Variants in ELFN1 observed in about 807,000 individuals in gnomAD.
ELFN1 encodes protein ELFN1.
A neutral mutation model predicts 7.6 loss-of-function variants in ELFN1; 6 were observed. The ratio of observed to expected loss-of-function variants is 0.79; its 90% confidence interval spans 0.43 to 1.56. The LOEUF (loss-of-function observed/expected upper bound fraction) is 1.56, where lower values mean the gene tolerates loss of function less well. Ranked by LOEUF, ELFN1 falls within the 40% of genes most tolerant of loss-of-function variation. ELFN1 has a pLI of 0.01. For missense variants in ELFN1, 1,169 were observed against 1,232.2 expected (o/e 0.95, Z 0.77); for synonymous variants, 657 against 588.1 (o/e 1.12, Z -1.70).
chr7:1,744,280 G>T, intron 3 of ELFN1, 24 bp from the exon 4 acceptor site: 1 of 358,014 alleles, frequency 2.8e-6, no homozygotes, highest in Non-Finnish European at 5.0e-6. Flanking sequence ...TCCCCTGACC[G>T]CTGTCTTCTC....
At chr7:1,677,846 G>T (rs940861118) in intron 1 of ELFN1, among the ~76,000 whole-genome samples, 1 of 151,972 alleles carries the variant, frequency 6.6e-6, no homozygotes, top group Non-Finnish European at 1.5e-5. Flanking sequence ...TGGAGCTCCC[G>T]CGGGTTCCTG....
intron 3 of ELFN1, among the ~76,000 whole-genome samples, chr7:1,728,299 C>A (rs1772862104): frequency 6.6e-6 from 1 of 152,372 alleles, no homozygotes; most frequent in Admixed American, 6.5e-5. Context: ...CTGCACCCTT[C>A]CCAGAGGCTC....
At chr7:1,696,277 GGAGAGAGAGA>G (rs369346750) in intron 2 of ELFN1, among the ~76,000 whole-genome samples, 1 of 145,586 alleles carries the variant, frequency 6.9e-6, no homozygotes, top group South Asian at 2.2e-4. Flanking sequence ...AGAAAGAGAT[GGAGAGAGAGA>G]GAGAGAGAGG....
chr7:1,674,053 G>A (rs530728496), intron 1 of ELFN1, among the ~76,000 whole-genome samples: 191 of 150,486 alleles, frequency 1.3e-3, no homozygotes, highest in African/African-American at 4.3e-3. Flanking sequence ...TGAGTCAGGC[G>A]GCGAGGACCA....
chr7:1,720,898 C>A (rs1299215934), intron 3 of ELFN1, among the ~76,000 whole-genome samples: 2 of 152,178 alleles, frequency 1.3e-5, no homozygotes, highest in African/African-American at 4.8e-5. Flanking sequence ...ACAGAGGCAG[C>A]CCCACACCCA....
rs947403023 is a variant in ELFN1 at position 1,746,005 on chromosome 7, A to G, written c.1409A>G (p.Lys470Arg). Residue 470 changes from lysine to arginine, a missense_variant, in exon 4 of 4, where the codon AAG (lysine) becomes AGG (arginine). Physicochemically the swap from Lys to Arg is conservative, Grantham distance 26. Around this residue, in one of 2 missense-constraint regions of ELFN1, gnomAD observed 914 missense variants for 872.6 expected, o/e 1.05. Transcript: ENST00000424383. ...CTCAAGAAGACCATCATCGAGCTCA[A>G]GTACGGGCCAGAGCTGGAGGCGCCC... is the stretch of plus-strand genomic sequence containing the variant. ...GSLKKTIIELKYGPELEAPGL... is the reference protein window; with the variant it reads ...GSLKKTIIELRYGPELEAPGL... 44 of 1,543,852 alleles carry G rather than the reference A, an allele frequency of 2.9e-5. No individual in the cohort carries two copies. Among genetic ancestry groups the G allele is most frequent in the Non-Finnish European group, 3.8e-5 (43 of 1,142,830 alleles).
At chr7:1,706,886 G>A (rs1055036404) in intron 2 of ELFN1, among the ~76,000 whole-genome samples, 1 of 152,262 alleles carries the variant, frequency 6.6e-6, no homozygotes, top group Non-Finnish European at 1.5e-5. Context: ...TGCATTGGAT[G>A]CCTGGGCCTG....
chr7:1,706,998 A>T (rs1779545481), intron 2 of ELFN1, among the ~76,000 whole-genome samples: 1 of 152,216 alleles, frequency 6.6e-6, no homozygotes, highest in African/African-American at 2.4e-5. Context: ...GCATGTGTAC[A>T]CATGTGCAAC....
chr7:1,728,699 G>A (rs1032000750), intron 3 of ELFN1, among the ~76,000 whole-genome samples: 1 of 152,190 alleles, frequency 6.6e-6, no homozygotes, highest in Non-Finnish European at 1.5e-5. Context: ...ACCCCAGGGT[G>A]ATGTTAGTAT....
chr7:1,700,438 A>T (rs1177914312), intron 2 of ELFN1, among the ~76,000 whole-genome samples: 2 of 152,182 alleles, frequency 1.3e-5, no homozygotes, highest in African/African-American at 4.8e-5. Context: ...TGAACTTCCC[A>T]TAAATGAAAT....
At chr7:1,707,196 C>G (rs1037707024) in intron 2 of ELFN1, among the ~76,000 whole-genome samples, 2 of 152,238 alleles carry the variant, frequency 1.3e-5, no homozygotes, top group Non-Finnish European at 2.9e-5. Flanking sequence ...CTCACAGTGA[C>G]ACGGTGGTTC....
At chr7:1,690,137 G>GTGGA (rs1179542265) in intron 2 of ELFN1, among the ~76,000 whole-genome samples, 2 of 151,902 alleles carry the variant, frequency 1.3e-5, no homozygotes, top group East Asian at 1.9e-4. Flanking sequence ...GGATGAGCAA[G>GTGGA]TGGATGGATG....
In ELFN1 at chr7:1,747,906, T is replaced by C. The variant is rs1294225127; in HGVS notation, c.*823T>C. The C allele has an allele frequency of 4.3e-5, 7 of 163,186 alleles. No individual in the cohort carries two copies. The highest frequency in any genetic ancestry group is 3.3e-4 in the Admixed American group (5 of 15,030). 10.1% of individuals were successfully genotyped at this position (163,186 alleles called of 1,614,324 possible). A position where few individuals can be genotyped will look rare whatever the true frequency, so the allele number is the denominator to read the frequency against. ...ACTAAAAAAAAAAAAAAAAAGACTA[T>C]GTCTACTTAAAAAAAAATCTGCAAA... On this transcript the variant is annotated 3_prime_UTR_variant, in exon 4 of 4. Coordinates refer to ENST00000424383, the MANE Select transcript of ELFN1 (RefSeq NM_001128636.4).
chr7:1,695,203 GA>G lies in ELFN1; in HGVS notation c.-456+7055del, dbSNP rs1779276455. Reference sequence around the variant, plus strand: ...TGTGAGGGTTCTGTCCATCCACCAGGAAGGCCACCAGGACCCTGCTCCTGCC... The same window carrying G: ...TGTGAGGGTTCTGTCCATCCACCAGGAGGCCACCAGGACCCTGCTCCTGCC... On this transcript the variant is annotated intron_variant, in intron 2 of 3. Transcript: ENST00000424383. This position sits in a 1 kb window ranked among gnomAD's most constrained non-coding sequence, Gnocchi z 5.1. Among the ~76,000 whole-genome samples the G allele has an allele frequency of 6.6e-6, 1 of 152,206 alleles. No individual in the cohort carries two copies. Among genetic ancestry groups the G allele is most frequent in the Non-Finnish European group, 1.5e-5 (1 of 68,034 alleles).
At chr7:1,738,426 C>G (rs1057244061) in intron 3 of ELFN1, among the ~76,000 whole-genome samples, 1 of 152,122 alleles carries the variant, frequency 6.6e-6, no homozygotes, top group African/African-American at 2.4e-5. Flanking sequence ...AACAGGGAAG[C>G]ATATGGGCTT....
In ELFN1 at chr7:1,746,610, A is replaced by C; in HGVS notation, c.2014A>C (p.Lys672Gln). Residue 672 changes from lysine (K) to glutamine (Q), a missense_variant, in exon 4 of 4, where the codon AAG becomes CAG. Physicochemically the swap from Lys to Gln is moderately conservative, Grantham distance 53. Transcript: ENST00000424383. ...AAAAEAKYIEKGSPAADAILT... is the reference protein window; with the variant it reads ...AAAAEAKYIEQGSPAADAILT... Reference sequence around the variant, plus strand: ...GGCCGCCGAGGCCAAGTACATCGAGAAGGGCTCCCCCGCGGCCGACGCCAT... The same window carrying C: ...GGCCGCCGAGGCCAAGTACATCGAGCAGGGCTCCCCCGCGGCCGACGCCAT... The C allele has an allele frequency of 7.4e-7, 1 of 1,349,462 alleles. No homozygotes were observed. Among genetic ancestry groups the C allele is most frequent in the South Asian group, 1.7e-5 (1 of 58,560 alleles). The allele number at this position is 1,349,462 out of a possible 1,614,324, so 83.6% of individuals were successfully genotyped here.
At chr7:1,666,563 G>A (rs1392751429), upstream of ELFN1, among the ~76,000 whole-genome samples, 1 of 152,046 alleles carries the variant, frequency 6.6e-6, no homozygotes, top group East Asian at 1.9e-4. The surrounding 1 kb of genome is among the most constrained non-coding windows in gnomAD (Gnocchi z 7.9). Context: ...CGGACCCCTA[G>A]GGCTAGGGAG....
At chr7:1,702,423 G>A (rs141389050) in intron 2 of ELFN1, among the ~76,000 whole-genome samples, 8 of 143,350 alleles carry the variant, frequency 5.6e-5, no homozygotes, top group East Asian at 3.9e-4. Context: ...ACTCCGTCGG[G>A]GGGGAAAAAA....
At chr7:1,724,140 G>T (rs1211448146) in intron 3 of ELFN1, among the ~76,000 whole-genome samples, 2 of 152,156 alleles carry the variant, frequency 1.3e-5, no homozygotes, top group African/African-American at 4.8e-5. Flanking sequence ...GACGTCACAG[G>T]GTTACCATAA....
Sources: gnomAD v4.1 joint callset for allele counts (sites outside exome capture counted in the v4.1 genomes callset) on GRCh38, gnomAD v4.1.1 for gene constraint, gnomAD v4.1.1 regional missense constraint, Gnocchi (gnomAD v3.1) non-coding constraint, MANE v1.5 for transcripts, NCBI Gene and HGNC (gene_info 2026-07-23, HGNC 2026-07-21) for gene names.